Variants in SPG7 observed in about 807,000 individuals in gnomAD.
SPG7 encodes SPG7 matrix AAA peptidase subunit, paraplegin, also known as mitochondrial inner membrane m-AAA protease component paraplegin.
SPG7 carries 103 observed loss-of-function variants against 81.9 expected under a neutral mutation model. The observed-to-expected ratio is 1.26, with a 90% CI of 1.07 to 1.48. The LOEUF (loss-of-function observed/expected upper bound fraction) is 1.48. SPG7 is among the 40% of genes most tolerant of loss of function. The pLI is 0.00. For missense variants in SPG7, 1,241 were observed against 1,087.3 expected, an observed-to-expected ratio of 1.14 and a Z score of -1.99; for synonymous variants, 534 against 444.2, an observed-to-expected ratio of 1.20 and a Z score of -2.54.
chr16:89,545,322 G>T (rs969556067), intron 10 of SPG7: 10 of 230,324 alleles, frequency 4.3e-5, no homozygotes, highest in Admixed American at 5.2e-5. Flanking sequence ...CTTTGTTGCT[G>T]CCCTGAGGGA....
chr16:89,530,785 C>T lies in SPG7; in HGVS notation c.964C>T (p.Arg322Cys), dbSNP rs201096554. ...AATGCACGAAGCCAAACTGGAAGTC[C>T]GCGAGTTTGTGGATTATCTGAAGGT... is the stretch of plus-strand genomic sequence containing the variant. ...AGMHEAKLEV[R>C]EFVDYLKSPE... The change falls in exon 7 of 17, where the codon CGC becomes TGC. Residue 322 changes from arginine to cysteine, a missense_variant. Physicochemically the swap from Arg to Cys is radical, Grantham distance 180 (BLOSUM62 -3). Coordinates refer to ENST00000645818, the MANE Select transcript of SPG7 (RefSeq NM_003119.4). 45 of 1,614,126 alleles carry T rather than the reference C, an allele frequency of 2.8e-5. No individual in the cohort carries two copies. The highest frequency in any genetic ancestry group is 2.2e-4 in the Admixed American group (13 of 60,012).
intron 3 of SPG7, 85 bp from the exon 4 acceptor site, chr16:89,523,921 T>G: frequency 2.6e-6 from 4 of 1,562,928 alleles, no homozygotes; most frequent in Non-Finnish European, 3.5e-6. Context: ...CCCGTCCAGC[T>G]GAGCTTTCCT....
intron 1 of SPG7, chr16:89,508,889 T>G (rs1170992646): frequency 8.1e-6 from 5 of 614,130 alleles, no homozygotes; most frequent in African/African-American, 1.8e-5. Flanking sequence ...CTTCCTCGCC[T>G]TTTAAAGTGG....
At chr16:89,548,163 C>A in intron 12 of SPG7, 50 bp downstream of exon 12, 1 of 1,231,514 alleles carries the variant, frequency 8.1e-7, no homozygotes, top group Non-Finnish European at 1.2e-6. Context: ...GGGCTTGAAC[C>A]CCAGAAATAC....
intron 5 of SPG7, 101 bp downstream of exon 5, chr16:89,526,569 A>G: frequency 1.5e-6 from 2 of 1,325,612 alleles, no homozygotes; most frequent in Non-Finnish European, 2.2e-6. Flanking sequence ...CTTTGCCTAT[A>G]GTTAACTAGA....
chr16:89,553,672 G>T, intron 14 of SPG7, 122 bp from the exon 15 acceptor site: 1 of 925,950 alleles, frequency 1.1e-6, no homozygotes, highest in South Asian at 1.4e-5. Context: ...TTCACGGTGG[G>T]TCCTCGGGAG....
chr16:89,516,288 G>T (rs1007619170), intron 3 of SPG7, among the ~76,000 whole-genome samples: 2 of 151,480 alleles, frequency 1.3e-5, no homozygotes, highest in Non-Finnish European at 2.9e-5. Context: ...ACGCCCGGCC[G>T]TTCGTTTTTT....
At chr16:89,548,533 C>T (rs947904033) in intron 12 of SPG7, 7 of 306,722 alleles carry the variant, frequency 2.3e-5, no homozygotes, top group East Asian at 9.5e-5. Flanking sequence ...GAGGGACAGC[C>T]GTGCTTTCAG....
Position 89,555,500 on chromosome 16 carries a change from C to A in SPG7, c.2181+937C>A, listed in dbSNP as rs533324479. The stretch of plus-strand genomic sequence containing the variant: ...CTCCCACCTGAGGAGCCCCCGCCGA[C>A]CCGCGGTGTTGGGTCCACACGTGAT... On this transcript the variant is annotated intron_variant, in intron 16 of 16. Coordinates refer to ENST00000645818, the MANE Select transcript of SPG7 (RefSeq NM_003119.4). 1.6e-3 allele frequency: 272 copies of A among 173,452 alleles called. No individual in the cohort carries two copies. The Middle Eastern group carries it at 0.025, about 16-fold the overall frequency. The allele number at this position is 173,452 out of a possible 1,614,324, so 10.7% of individuals were successfully genotyped here.
chr16:89,540,738 G>A (rs2058483740), intron 9 of SPG7: 4 of 260,938 alleles, frequency 1.5e-5, no homozygotes, highest in African/African-American at 6.9e-5. Flanking sequence ...CTAAACGTGT[G>A]CTCACCATGT....
Position 89,556,942 on chromosome 16 carries a change from T to C in SPG7, c.2237T>C (p.Leu746Pro). ...EVINYEDIEALIGPPPHGPKK... is the reference protein window; with the variant it reads ...EVINYEDIEAPIGPPPHGPKK... ...ATAAACTATGAGGACATTGAGGCTCTCATTGGCCCGCCGCCCCATGGGCCG... is the reference window on the plus strand; with the variant it reads ...ATAAACTATGAGGACATTGAGGCTCCCATTGGCCCGCCGCCCCATGGGCCG... The change falls in exon 17 of 17, where the codon CTC becomes CCC. Residue 746 changes from leucine to proline, a missense_variant. Physicochemically the swap from Leu to Pro is moderately conservative, Grantham distance 98 (BLOSUM62 -3). Coordinates refer to ENST00000645818, the MANE Select transcript of SPG7 (RefSeq NM_003119.4). 6.2e-7 allele frequency: 1 copy of C among 1,614,134 alleles called. No homozygotes were observed. Among genetic ancestry groups the C allele is most frequent in the Non-Finnish European group, 8.5e-7 (1 of 1,180,022 alleles).
At position 89,556,954 on chromosome 16, in the gene SPG7, C is replaced by T. The variant is rs879253797; in HGVS notation, c.2249C>T (p.Pro750Leu). The T allele has an allele frequency of 6.8e-6, 11 of 1,613,906 alleles. No homozygotes were observed. Among genetic ancestry groups the T allele is most frequent in the Admixed American group, 3.3e-5 (2 of 60,006 alleles). Residue 750 changes from proline to leucine, a missense_variant, in exon 17 of 17, where the codon CCG becomes CTG. Coordinates refer to ENST00000645818, the MANE Select transcript of SPG7 (RefSeq NM_003119.4). ...GACATTGAGGCTCTCATTGGCCCGCCGCCCCATGGGCCGAAGAAAATGATC... is the reference window on the plus strand; with the variant it reads ...GACATTGAGGCTCTCATTGGCCCGCTGCCCCATGGGCCGAAGAAAATGATC... ...YEDIEALIGPPPHGPKKMIAP... is the reference protein window; with the variant it reads ...YEDIEALIGPLPHGPKKMIAP...
intron 12 of SPG7, chr16:89,549,399 C>T (rs903127701): frequency 2.7e-6 from 1 of 368,784 alleles, no homozygotes; most frequent in South Asian, 2.0e-5. Flanking sequence ...GTGGCTCATG[C>T]CTGTAATCCC....
intron 4 of SPG7, among the ~76,000 whole-genome samples, chr16:89,525,906 G>A (rs986628345): frequency 6.6e-6 from 1 of 152,190 alleles, no homozygotes; most frequent in Non-Finnish European, 1.5e-5. Context: ...CATCAGACGT[G>A]GGGCTGTGAG....
chr16:89,554,514 A>G lies in SPG7; in HGVS notation c.2132A>G (p.Tyr711Cys). The G allele has an allele frequency of 6.2e-7, 1 of 1,609,584 alleles. No homozygotes were observed. Among genetic ancestry groups the G allele is most frequent in the Non-Finnish European group, 8.5e-7 (1 of 1,179,876 alleles). Residue 711 changes from tyrosine to cysteine, a missense_variant, in exon 16 of 17, where the codon TAC (tyrosine) becomes TGC (cysteine). Physicochemically the swap from Tyr to Cys is radical, Grantham distance 194. Transcript: ENST00000645818. ...GCAAGACTGCTGGTGGCCAAGGCCT[A>G]CAGACACACCGAGAAGGTGCTGCAG... ...HEARLLVAKA[Y>C]RHTEKVLQDN... is the part of the protein sequence containing the mutation.
At chr16:89,529,841 T>A in intron 6 of SPG7, 1 of 517,124 alleles carries the variant, frequency 1.9e-6, no homozygotes, top group Admixed American at 3.2e-5. Context: ...TCTGCGTTTT[T>A]CTTTTCTTTT....
intron 9 of SPG7, among the ~76,000 whole-genome samples, chr16:89,534,780 A>G (rs758588072): frequency 6.6e-5 from 10 of 152,230 alleles, no homozygotes; most frequent in Non-Finnish European, 1.3e-4. Context: ...TGTGACATAC[A>G]TGGTCTGCAG....
At chr16:89,548,319 C>CTCTA (rs1432968727) in intron 12 of SPG7, 1 of 535,838 alleles carries the variant, frequency 1.9e-6, no homozygotes, top group African/African-American at 1.9e-5. Context: ...TAAGAGTAGA[C>CTCTA]GCTCGTCCAA....
At chr16:89,509,003 C>T in intron 1 of SPG7, 1 of 469,734 alleles carries the variant, frequency 2.1e-6, no homozygotes, top group Non-Finnish European at 4.2e-6. Context: ...TGGTTATTGC[C>T]GAGTAGGGGG....
Sources: gnomAD v4.1 joint callset for allele counts (sites outside exome capture counted in the v4.1 genomes callset) on GRCh38, gnomAD v4.1.1 for gene constraint, MANE v1.5 for transcripts, NCBI Gene and HGNC (gene_info 2026-07-23, HGNC 2026-07-21) for gene names.